The following FOXJ3 variants were observed in gnomAD, a reference collection of about 807,000 sequenced individuals.
FOXJ3 encodes the protein forkhead box protein J3.
Under a neutral mutation model 76.1 loss-of-function variants are expected in FOXJ3, and 22 were observed. The ratio of observed to expected loss-of-function variants is 0.29; its 90% CI spans 0.21 to 0.41. The LOEUF (loss-of-function observed/expected upper bound fraction) is 0.41. FOXJ3 is among the 10% of genes least tolerant of loss of function. FOXJ3 has a pLI of 1.00. For synonymous variants in FOXJ3, 269 were observed against 261.2 expected, an observed-to-expected ratio of 1.03 and a Z score of -0.29; for missense variants, 613 against 762.1, an observed-to-expected ratio of 0.80 and a Z score of 2.30.
chr1:42,317,200 A>C (rs2124768973), intron 1 of FOXJ3, among the ~76,000 whole-genome samples: 1 of 152,304 alleles, frequency 6.6e-6, no homozygotes, highest in Non-Finnish European at 1.5e-5. Flanking sequence ...TTGATTCAAG[A>C]AACTTGACTG....
chr1:42,277,976 CAAAAAAAAAAAA>C (rs755384247), intron 3 of FOXJ3, among the ~76,000 whole-genome samples: 1 of 51,580 alleles, frequency 1.9e-5, no homozygotes, highest in African/African-American at 5.8e-5. Flanking sequence ...GACTCCATCT[CAAAAAAAAAAAA>C]AAAAAAAAAA....
intron 5 of FOXJ3, among the ~76,000 whole-genome samples, chr1:42,222,729 C>T (rs1647266664): frequency 6.6e-6 from 1 of 152,210 alleles, no homozygotes. Flanking sequence ...TCCTACCTTT[C>T]TCACTCTAAA....
intron 6 of FOXJ3, among the ~76,000 whole-genome samples, chr1:42,201,990 C>T (rs1415576321): frequency 6.6e-6 from 1 of 152,096 alleles, no homozygotes; most frequent in Admixed American, 6.5e-5. Flanking sequence ...ACTTTATTTA[C>T]ATAAGATGTT....
Position 42,335,085 on chromosome 1 carries a change from C to G in FOXJ3, c.-44G>C, listed in dbSNP as rs1656402910. 1 of 152,158 alleles carries G rather than the reference C, an allele frequency of 6.6e-6. No individual in the cohort carries two copies. Among genetic ancestry groups the G allele is most frequent in the South Asian group, 2.1e-4 (1 of 4,840 alleles). The allele number at this position is 152,158 out of a possible 1,614,324, so 9.4% of individuals were successfully genotyped here. ...TCAGGCTGCGCAGGCCGGGACGGCC[C>G]GGCCGAGCCCCCGGCCGCTCCGTGC... On this transcript the variant is annotated 5_prime_UTR_variant, in exon 1 of 13. Coordinates refer to ENST00000361346, the MANE Select transcript of FOXJ3 (RefSeq NM_014947.5).
At chr1:42,191,750 G>T in intron 8 of FOXJ3, 31 bp from the exon 9 acceptor site, 1 of 1,588,756 alleles carries the variant, frequency 6.3e-7, no homozygotes, top group African/African-American at 1.3e-5. Context: ...TTTATGGTCA[G>T]ATTTCAGTTG....
chr1:42,203,735 C>T (rs1274858858), intron 6 of FOXJ3, among the ~76,000 whole-genome samples: 1 of 152,116 alleles, frequency 6.6e-6, no homozygotes, highest in African/African-American at 2.4e-5. Flanking sequence ...GTGGCTCACA[C>T]CTGTAATCCC....
At chr1:42,239,376 G>T (rs343373) in intron 4 of FOXJ3, among the ~76,000 whole-genome samples, 106,511 of 152,022 alleles carry the variant, frequency 0.7, 38,047 homozygotes, top group Admixed American at 0.8. Context: ...TCATAAATGC[G>T]TCTCATCAAG....
intron 5 of FOXJ3, among the ~76,000 whole-genome samples, chr1:42,216,927 T>C (rs1647081397): frequency 6.6e-6 from 1 of 152,216 alleles, no homozygotes; most frequent in Non-Finnish European, 1.5e-5. Flanking sequence ...ATCAGTCATA[T>C]TAATGATTTC....
At chr1:42,276,841 C>T (rs966094251) in intron 3 of FOXJ3, among the ~76,000 whole-genome samples, 9 of 152,154 alleles carry the variant, frequency 5.9e-5, no homozygotes, top group African/African-American at 1.4e-4. Context: ...AAGGCCATAT[C>T]GGTATTATTC....
intron 1 of FOXJ3, among the ~76,000 whole-genome samples, chr1:42,329,949 ACAAGGGTT>A (rs779461254): frequency 1.8e-4 from 27 of 152,204 alleles, no homozygotes; most frequent in Non-Finnish European, 2.5e-4. Context: ...AAAATAGACT[ACAAGGGTT>A]CAAATCCTGG....
At chr1:42,298,058 T>C (rs1038074972) in intron 2 of FOXJ3, among the ~76,000 whole-genome samples, 51 of 152,258 alleles carry the variant, frequency 3.3e-4, no homozygotes, top group African/African-American at 1.1e-3. Context: ...TGGGGGCAGT[T>C]ACCCTCATAC....
intron 5 of FOXJ3, among the ~76,000 whole-genome samples, chr1:42,224,760 A>AT (rs1256565242): frequency 6.6e-6 from 1 of 152,098 alleles, no homozygotes; most frequent in Non-Finnish European, 1.5e-5. Context: ...TCTTGCTTGC[A>AT]TTTTTTAAAA....
At position 42,189,423 on chromosome 1, in the gene FOXJ3, A is replaced by C; in HGVS notation, c.1352-19T>G. ...GAAACACCTATAAAATATTGACAAC[A>C]GTGTAATTCCTGGATGGTGAAAGGG... On this transcript the variant is annotated intron_variant, in intron 9 of 12. Transcript: ENST00000361346. 1 of 1,538,216 alleles carries C rather than the reference A, an allele frequency of 6.5e-7. No homozygotes were observed. The highest frequency in any genetic ancestry group is 9.0e-7 in the Non-Finnish European group (1 of 1,112,456).
chr1:42,324,046 A>C (rs1002227469), intron 1 of FOXJ3, among the ~76,000 whole-genome samples: 1 of 110,732 alleles, frequency 9.0e-6, no homozygotes, highest in Non-Finnish European at 1.9e-5. Context: ...CACTATATAT[A>C]GTATATACAC....
At chr1:42,291,083 T>TAGACAGACAGACAGAC (rs71065113) in intron 2 of FOXJ3, among the ~76,000 whole-genome samples, 2,528 of 126,360 alleles carry the variant, frequency 0.02, 56 homozygotes, top group Admixed American at 0.033. Flanking sequence ...GATAGATAGA[T>TAGACAGACAGACAGAC]AGACAGACAG....
chr1:42,254,976 AAAAAG>A (rs1289461953), intron 4 of FOXJ3, among the ~76,000 whole-genome samples: 3 of 152,152 alleles, frequency 2.0e-5, no homozygotes, highest in Non-Finnish European at 4.4e-5. Context: ...ATAATTTTAA[AAAAAG>A]AAAAGAAAAA....
At chr1:42,183,080 G>T (rs2124120245) in intron 11 of FOXJ3, among the ~76,000 whole-genome samples, 1 of 148,958 alleles carries the variant, frequency 6.7e-6, no homozygotes, top group East Asian at 2.1e-4. Context: ...TTCAAGATCA[G>T]ACTGGCCAAC....
In FOXJ3 at chr1:42,176,952, T is replaced by C. The variant is rs575102711; in HGVS notation, c.*2758A>G. 2 of 152,790 alleles carry C rather than the reference T, an allele frequency of 1.3e-5. No homozygotes were observed. Among genetic ancestry groups the C allele is most frequent in the Non-Finnish European group, 2.9e-5 (2 of 68,040 alleles). 9.5% of individuals were successfully genotyped at this position (152,790 alleles called of 1,614,324 possible). ...AAGAACACACATGAATACATTTACA[T>C]TTCAAAAACTGCCACAAATGCCAGT... On this transcript the variant is annotated 3_prime_UTR_variant, in exon 13 of 13. Transcript: ENST00000361346.
At chr1:42,198,049 C>G (rs1382117954) in intron 7 of FOXJ3, among the ~76,000 whole-genome samples, 1 of 152,040 alleles carries the variant, frequency 6.6e-6, no homozygotes, top group Non-Finnish European at 1.5e-5. Flanking sequence ...ATACGGAGGG[C>G]TGACTGCATA....
Sources: gnomAD v4.1 joint callset for allele counts (sites outside exome capture counted in the v4.1 genomes callset) on GRCh38, gnomAD v4.1.1 for gene constraint, MANE v1.5 for transcripts, NCBI Gene and HGNC (gene_info 2026-07-23, HGNC 2026-07-21) for gene names.